KMT2C: variants seen among roughly 807,000 people sequenced by gnomAD.
KMT2C encodes the protein histone-lysine N-methyltransferase 2C.
KMT2C carries 88 observed loss-of-function variants against 507.9 expected under a neutral mutation model. The ratio of observed to expected loss-of-function variants is 0.17; its 90% CI spans 0.15 to 0.21. The LOEUF (loss-of-function observed/expected upper bound fraction) is 0.21. KMT2C is among the 10% of genes least tolerant of loss of function. The probability of loss-of-function intolerance (pLI) is 1.00; values close to 1 mark genes in which losing one functional copy is unlikely to be tolerated. For missense variants in KMT2C, 4,954 were observed against 5,957.8 expected, an observed-to-expected ratio of 0.83 and a Z score of 5.55; for synonymous variants, 2,049 against 2,080.8, an observed-to-expected ratio of 0.98 and a Z score of 0.42.
intron 3 of KMT2C, among the ~76,000 whole-genome samples, chr7:152,327,261 T>C (rs1357545164): frequency 6.6e-6 from 1 of 152,252 alleles, no homozygotes; most frequent in Non-Finnish European, 1.5e-5. Context: ...GAAATTATCA[T>C]ATATTCATGA....
rs1192957066 is a variant in KMT2C at position 152,215,241 on chromosome 7, C to T, written c.3712+5282G>A. ...TAAAAGACTGAAAGAAAGCCGAGCG[C>T]GGTGGCTCACACCTGTAATCCCAGC... On this transcript the variant is annotated intron_variant, in intron 23 of 58. Transcript: ENST00000262189. Among the ~76,000 whole-genome samples, 8 of 152,082 alleles carry T rather than the reference C, an allele frequency of 5.3e-5. No homozygotes were observed. The South Asian group carries it at 1.7e-3, about 32-fold the overall frequency.
chr7:152,345,498 A>G (rs571525488), intron 2 of KMT2C, among the ~76,000 whole-genome samples: 7 of 152,308 alleles, frequency 4.6e-5, no homozygotes, highest in Non-Finnish European at 1.0e-4. Context: ...CAATTAAAAG[A>G]CAGAAATTGT....
intron 2 of KMT2C, among the ~76,000 whole-genome samples, chr7:152,337,282 T>TA (rs941302565): frequency 2.0e-5 from 3 of 151,902 alleles, no homozygotes; most frequent in African/African-American, 4.8e-5. Flanking sequence ...ACAACAACAA[T>TA]AAAAAAGAGA....
chr7:152,191,024 T>A (rs766083924), intron 31 of KMT2C, among the ~76,000 whole-genome samples: 1 of 152,202 alleles, frequency 6.6e-6, no homozygotes, highest in Non-Finnish European at 1.5e-5. Context: ...ATAAGAAACA[T>A]GTAATTGCAC....
chr7:152,308,932 A>G (rs1421506988), intron 6 of KMT2C, among the ~76,000 whole-genome samples: 1 of 152,162 alleles, frequency 6.6e-6, no homozygotes, highest in Admixed American at 6.6e-5. Context: ...TTTCATTTGC[A>G]TTTGTTTCAA....
At chr7:152,345,835 T>A (rs1490656882) in intron 2 of KMT2C, among the ~76,000 whole-genome samples, 2 of 152,004 alleles carry the variant, frequency 1.3e-5, no homozygotes, top group Non-Finnish European at 2.9e-5. Flanking sequence ...ATAGATTTTT[T>A]AAAAAGAAAA....
At chr7:152,228,333 C>T (rs1309401051) in intron 18 of KMT2C, among the ~76,000 whole-genome samples, 1 of 152,100 alleles carries the variant, frequency 6.6e-6, no homozygotes. Context: ...TAGACTTGCC[C>T]CAGCAAGCTT....
At chr7:152,264,413 G>C (rs769868328) in intron 8 of KMT2C, among the ~76,000 whole-genome samples, 8 of 152,172 alleles carry the variant, frequency 5.3e-5, no homozygotes, top group Admixed American at 1.3e-4. Context: ...AAATGACCAA[G>C]AGATGAAATA....
intron 6 of KMT2C, among the ~76,000 whole-genome samples, chr7:152,309,355 C>T (rs960322481): frequency 2.1e-5 from 3 of 141,932 alleles, no homozygotes; most frequent in Non-Finnish European, 3.0e-5. Context: ...CTCACTCCAA[C>T]GCCCAGGCTG....
rs1176092532 is a variant in KMT2C at position 152,367,390 on chromosome 7, A to G, written c.162-8715T>C. 5.8e-6 allele frequency: 4 copies of G among 691,818 alleles called. No homozygotes were observed. The East Asian group carries it at 1.1e-4, about 19-fold the overall frequency. The allele number at this position is 691,818 out of a possible 1,614,324, so 42.9% of individuals were successfully genotyped here. ...ACCAGGGGCACCCCCGGCTGGCACCAGCATACAAAGTGAGACAGGGTCTCG... is the reference window on the plus strand; with the variant it reads ...ACCAGGGGCACCCCCGGCTGGCACCGGCATACAAAGTGAGACAGGGTCTCG... On this transcript the variant is annotated intron_variant, in intron 1 of 58. Transcript: ENST00000262189.
intron 44 of KMT2C, among the ~76,000 whole-genome samples, chr7:152,158,222 C>G (rs775304073): frequency 6.6e-6 from 1 of 152,232 alleles, no homozygotes; most frequent in Non-Finnish European, 1.5e-5. Flanking sequence ...GCACTGTTAG[C>G]AACTGTCTCC....
At chr7:152,189,659 G>T (rs2093731463) in intron 31 of KMT2C, among the ~76,000 whole-genome samples, 2 of 152,164 alleles carry the variant, frequency 1.3e-5, no homozygotes, top group Non-Finnish European at 2.9e-5. Flanking sequence ...AAGTTTAAAA[G>T]ATTTTGTCTC....
In KMT2C at chr7:152,150,963, G is replaced by A; in HGVS notation, c.12711C>T (p.Phe4237=). The change falls in exon 51 of 59, where the codon TTC becomes TTT. Residue 4237 remains phenylalanine (F), a synonymous_variant. Transcript: ENST00000262189. ...AAAGAATAAAGCAGTTATTACTACA[G>A]AAGACAATGTCCTTCTCTACCCTCT... ...STKRVEKDIV[F]CSNNCFILYS... is the part of the protein sequence containing the mutation. 2 of 1,613,472 alleles carry A rather than the reference G, an allele frequency of 1.2e-6. No individual in the cohort carries two copies. The highest frequency in any genetic ancestry group is 8.5e-7 in the Non-Finnish European group (1 of 1,179,608).
chr7:152,230,349 G>A (rs779712201), intron 16 of KMT2C, 28 bp from the exon 17 acceptor site: 38 of 1,027,760 alleles, frequency 3.7e-5, no homozygotes, highest in Non-Finnish European at 5.2e-5. Flanking sequence ...CACAGAATAC[G>A]AAGTTATATT....
intron 6 of KMT2C, among the ~76,000 whole-genome samples, chr7:152,283,213 AATTT>A (rs2096248638): frequency 6.6e-6 from 1 of 152,300 alleles, no homozygotes; most frequent in Admixed American, 6.5e-5. Context: ...ACAATGATAA[AATTT>A]ATTGTTTCAA....
intron 24 of KMT2C, among the ~76,000 whole-genome samples, chr7:152,206,769 C>T (rs1007110459): frequency 2.6e-5 from 4 of 152,172 alleles, no homozygotes; most frequent in African/African-American, 9.7e-5. Flanking sequence ...CCGCTTTTCT[C>T]TCCACTCCTG....
At chr7:152,166,079 G>A (rs180976649) in intron 42 of KMT2C, among the ~76,000 whole-genome samples, 4 of 151,526 alleles carry the variant, frequency 2.6e-5, no homozygotes, top group East Asian at 1.9e-4. Flanking sequence ...ATAAGACAAC[G>A]TAAATGGAAG....
intron 40 of KMT2C, 63 bp from the exon 41 acceptor site, chr7:152,169,312 TTTA>T (rs773915578): frequency 1.8e-4 from 154 of 877,196 alleles, no homozygotes; most frequent in Non-Finnish European, 2.2e-5. Context: ...GGGAAAAAAC[TTTA>T]AAAGAAAGAA....
intron 1 of KMT2C, among the ~76,000 whole-genome samples, chr7:152,369,033 T>C (rs1337186295): frequency 2.0e-5 from 3 of 149,464 alleles, no homozygotes; most frequent in Non-Finnish European, 4.4e-5. Flanking sequence ...AAAAAAAAAA[T>C]AGTTAAGGGC....
Sources: gnomAD v4.1 joint callset for allele counts (sites outside exome capture counted in the v4.1 genomes callset) on GRCh38, gnomAD v4.1.1 for gene constraint, MANE v1.5 for transcripts, NCBI Gene and HGNC (gene_info 2026-07-23, HGNC 2026-07-21) for gene names.